IGF2BP2: variants seen among roughly 807,000 people sequenced by gnomAD.
The protein encoded by IGF2BP2 is insulin like growth factor 2 mRNA binding protein 2, also known as insulin-like growth factor 2 mRNA-binding protein 2.
A neutral mutation model predicts 75.8 loss-of-function variants in IGF2BP2; 17 were observed. The ratio of observed to expected loss-of-function variants is 0.22; its 90% CI spans 0.15 to 0.34. IGF2BP2 has a LOEUF of 0.34. IGF2BP2 is among the 10% of genes least tolerant of loss of function. IGF2BP2 has a pLI of 1.00. For synonymous variants in IGF2BP2, 288 were observed against 295.6 expected (o/e 0.97, Z 0.26); for missense variants, 516 against 772.4 (o/e 0.67, Z 3.93).
chr3:185,697,994 AC>A (rs1373277456), intron 3 of IGF2BP2, among the ~76,000 whole-genome samples: 2 of 151,986 alleles, frequency 1.3e-5, no homozygotes, highest in African/African-American at 2.4e-5. Context: ...AAACATACAA[AC>A]CAACAAACCA....
intron 10 of IGF2BP2, among the ~76,000 whole-genome samples, chr3:185,665,654 G>C (rs562085245): frequency 6.6e-6 from 1 of 152,232 alleles, no homozygotes; most frequent in East Asian, 1.9e-4. Context: ...AATTCTAGAA[G>C]TAACATTTTT....
chr3:185,701,234 T>C (rs987590435), intron 2 of IGF2BP2, among the ~76,000 whole-genome samples: 2 of 151,888 alleles, frequency 1.3e-5, no homozygotes, highest in African/African-American at 2.4e-5. Flanking sequence ...CCACCCCTTG[T>C]TTACTTTTTA....
At chr3:185,700,163 A>G (rs554279627) in intron 2 of IGF2BP2, among the ~76,000 whole-genome samples, 156 of 152,194 alleles carry the variant, frequency 1.0e-3, no homozygotes, top group African/African-American at 3.3e-3. Flanking sequence ...TCTGGGCAAC[A>G]GCCCCAGAGA....
chr3:185,763,864 A>G (rs1732702196), intron 2 of IGF2BP2, among the ~76,000 whole-genome samples: 1 of 152,170 alleles, frequency 6.6e-6, no homozygotes. Context: ...AAGAAGGAGA[A>G]ATCTGTTTGA....
At chr3:185,778,850 T>C (rs978827219) in intron 2 of IGF2BP2, among the ~76,000 whole-genome samples, 3 of 152,250 alleles carry the variant, frequency 2.0e-5, no homozygotes, top group Non-Finnish European at 2.9e-5. Context: ...AAATCTTTTC[T>C]GTTGAACCCA....
At chr3:185,703,978 C>T (rs185032671) in intron 2 of IGF2BP2, among the ~76,000 whole-genome samples, 5 of 152,158 alleles carry the variant, frequency 3.3e-5, no homozygotes, top group Admixed American at 3.3e-4. Context: ...TGTAGGATTC[C>T]AGCTTCCATT....
chr3:185,777,203 A>G (rs1734632095), intron 2 of IGF2BP2, among the ~76,000 whole-genome samples: 1 of 152,180 alleles, frequency 6.6e-6, no homozygotes, highest in Admixed American at 6.5e-5. Context: ...AACAAAACCA[A>G]TTTTACCATA....
At chr3:185,692,563 T>G in intron 5 of IGF2BP2, 136 bp downstream of exon 5, 1 of 711,534 alleles carries the variant, frequency 1.4e-6, no homozygotes. Context: ...TGGAGCTCCA[T>G]GGGTATGTCA....
At chr3:185,725,970 T>C (rs983190884) in intron 2 of IGF2BP2, among the ~76,000 whole-genome samples, 1 of 152,090 alleles carries the variant, frequency 6.6e-6, no homozygotes, top group Non-Finnish European at 1.5e-5. Flanking sequence ...AAAAAATAAA[T>C]TAATAAATTA....
chr3:185,778,124 T>TATTC (rs1434781391), intron 2 of IGF2BP2, among the ~76,000 whole-genome samples: 2 of 152,190 alleles, frequency 1.3e-5, no homozygotes, highest in Non-Finnish European at 2.9e-5. Context: ...CAGTAATTTA[T>TATTC]ATTCATTCAT....
At chr3:185,809,665 T>G (rs958066493) in intron 2 of IGF2BP2, among the ~76,000 whole-genome samples, 2 of 151,924 alleles carry the variant, frequency 1.3e-5, no homozygotes, top group South Asian at 2.1e-4. Flanking sequence ...GAAAAAAAAT[T>G]TTTTAATAAA....
In IGF2BP2 at chr3:185,774,501, A is replaced by G. The variant is rs187313685; in HGVS notation, c.239+48652T>C. Among the ~76,000 whole-genome samples the G allele has an allele frequency of 3.4e-3, 521 of 151,886 alleles. 1 individual carries two copies. The highest frequency in any genetic ancestry group is 0.012 in the African/African-American group (502 of 41,428). The stretch of plus-strand genomic sequence containing the variant: ...TCCCAGCTACTCAGGAGGCTGAGGC[A>G]GGAGAATGGAGTGAACCCTGGAGGC... On this transcript the variant is annotated intron_variant, in intron 2 of 15. Transcript: ENST00000382199.
intron 2 of IGF2BP2, among the ~76,000 whole-genome samples, chr3:185,725,929 A>C (rs1727261953): frequency 6.6e-6 from 1 of 152,228 alleles, no homozygotes; most frequent in Non-Finnish European, 1.5e-5. Flanking sequence ...ATGCCACTGC[A>C]CTACAGCCTG....
At chr3:185,680,869 C>G (rs1720283816) in intron 7 of IGF2BP2, among the ~76,000 whole-genome samples, 1 of 152,126 alleles carries the variant, frequency 6.6e-6, no homozygotes, top group Non-Finnish European at 1.5e-5. Flanking sequence ...TTAGAAAAAG[C>G]ATTTGACAAA....
rs16860166 is a variant in IGF2BP2, at chr3:185,647,846, C to T, written c.1594-708G>A. Among the ~76,000 whole-genome samples the T allele has an allele frequency of 4.6e-3, 693 of 152,306 alleles. 5 individuals are homozygous for T. Among genetic ancestry groups the T allele is most frequent in the African/African-American group, 0.016 (645 of 41,560 alleles). ...GTCCTCTGGCCCTCTGGCCTGATGC[C>T]GAGCTCACAGGCGGGTTCAGCATGT... is the stretch of plus-strand genomic sequence containing the variant. On this transcript the variant is annotated intron_variant, in intron 14 of 15. Coordinates refer to ENST00000382199, the MANE Select transcript of IGF2BP2 (RefSeq NM_006548.6). This position sits in a 1 kb window ranked among gnomAD's most constrained non-coding sequence, Gnocchi z 4.9.
chr3:185,767,548 G>A (rs1378577433), intron 2 of IGF2BP2, among the ~76,000 whole-genome samples: 2 of 152,144 alleles, frequency 1.3e-5, no homozygotes, highest in East Asian at 1.9e-4. Flanking sequence ...CCAAGAAAGG[G>A]ACAAGTATAC....
At chr3:185,716,890 C>T (rs966014514) in intron 2 of IGF2BP2, 1 of 472,588 alleles carries the variant, frequency 2.1e-6, no homozygotes, top group Admixed American at 2.2e-5. Flanking sequence ...GAATTTATCA[C>T]ATCCTGTTGT....
chr3:185,667,384 G>A (rs770988274), intron 10 of IGF2BP2, among the ~76,000 whole-genome samples: 3 of 152,162 alleles, frequency 2.0e-5, no homozygotes, highest in Admixed American at 6.5e-5. Context: ...GCTGAGGTGG[G>A]AGGATTGCTT....
chr3:185,748,108 G>A (rs1463918590), intron 2 of IGF2BP2, among the ~76,000 whole-genome samples: 1 of 152,140 alleles, frequency 6.6e-6, no homozygotes, highest in Non-Finnish European at 1.5e-5. Context: ...ATTTCACCGT[G>A]TTAGCCAGGA....
Sources: allele counts gnomAD v4.1 joint callset (sites outside exome capture counted in the v4.1 genomes callset), GRCh38; gene constraint gnomAD v4.1.1; non-coding constraint Gnocchi (gnomAD v3.1); transcripts MANE v1.5; gene names NCBI Gene and HGNC (gene_info 2026-07-23, HGNC 2026-07-21).